The following ARHGEF4 variants were observed in gnomAD, a reference collection of about 807,000 sequenced individuals.
The protein encoded by ARHGEF4 is Rho guanine nucleotide exchange factor 4.
Under a neutral mutation model 162.0 loss-of-function variants are expected in ARHGEF4, and 119 were observed. The observed-to-expected ratio is 0.73, with a 90% CI of 0.63 to 0.86. The LOEUF is 0.86. ARHGEF4 is among the 40% of genes least tolerant of loss of function. The pLI is 0.00. For synonymous variants in ARHGEF4, 1,014 were observed against 979.9 expected (o/e 1.03, Z -0.65); for missense variants, 2,488 against 2,456.0 (o/e 1.01, Z -0.28).
chr2:130,941,706 A>G (rs1683310257), intron 3 of ARHGEF4, among the ~76,000 whole-genome samples: 1 of 152,204 alleles, frequency 6.6e-6, no homozygotes, highest in Non-Finnish European at 1.5e-5. Context: ...AAATATATTT[A>G]CTATTTACTC....
intron 1 of ARHGEF4, among the ~76,000 whole-genome samples, chr2:130,874,390 C>T (rs1678692944): frequency 6.6e-6 from 1 of 152,230 alleles, no homozygotes; most frequent in Non-Finnish European, 1.5e-5. Context: ...ATGGCCAGGC[C>T]CTCCTCAGGC....
intron 5 of ARHGEF4, among the ~76,000 whole-genome samples, chr2:131,034,396 G>A (rs1384244591): frequency 6.6e-6 from 1 of 152,188 alleles, no homozygotes; most frequent in Non-Finnish European, 1.5e-5. Context: ...AGGCTGTGTC[G>A]AGTGGAGGCA....
intron 10 of ARHGEF4, among the ~76,000 whole-genome samples, chr2:131,042,615 G>A (rs1353391855): frequency 1.3e-5 from 2 of 152,194 alleles, no homozygotes; most frequent in African/African-American, 4.8e-5. Context: ...ACAGATTCCA[G>A]GGCCCCACCC....
Position 130,915,329 on chromosome 2 carries a change from G to A in ARHGEF4, c.1383G>A (p.Lys461=). 6.4e-7 allele frequency: 1 copy of A among 1,550,736 alleles called. No homozygotes were observed. The highest frequency in any genetic ancestry group is 8.7e-7 in the Non-Finnish European group (1 of 1,147,044). Reference sequence around the variant, plus strand: ...AAGTGCCTGAGCCCGCTGAGTGCAAGTCAGAGCAAAGCCCAGAAAGCAGAA... The same window carrying A: ...AAGTGCCTGAGCCCGCTGAGTGCAAATCAGAGCAAAGCCCAGAAAGCAGAA... The part of the protein sequence containing the change: ...AEEVPEPAEC[K]SEQSPESRTQ... The change falls in exon 2 of 14, where the codon AAG becomes AAA. Residue 461 remains lysine, a synonymous_variant. Coordinates refer to ENST00000409359, the MANE Select transcript of ARHGEF4 (RefSeq NM_001367493.1).
intron 4 of ARHGEF4, among the ~76,000 whole-genome samples, chr2:131,000,122 AAG>A (rs1687672576): frequency 6.6e-6 from 1 of 152,256 alleles, no homozygotes; most frequent in African/African-American, 2.4e-5. Context: ...AAAAAGAAGA[AAG>A]TTCTTTTTTG....
chr2:131,040,163 T>C lies in ARHGEF4; in HGVS notation c.4453T>C (p.Tyr1485His), dbSNP rs754793227. The C allele has an allele frequency of 6.2e-7, 1 of 1,612,166 alleles. No individual in the cohort carries two copies. The highest frequency in any genetic ancestry group is 8.5e-7 in the Non-Finnish European group (1 of 1,178,898). ...INEILSTERD[Y>H]IKHLRDICEG... The stretch of plus-strand genomic sequence containing the variant: ...CGAGATCCTCAGCACTGAGCGGGAC[T>C]ACATCAAGCACCTGCGCGACATCTG... The change falls in exon 7 of 14, where the codon TAC becomes CAC. Residue 1485 changes from tyrosine (Y) to histidine (H), a missense_variant. Physicochemically the swap from Tyr to His is moderately conservative, Grantham distance 83. Coordinates refer to ENST00000409359, the MANE Select transcript of ARHGEF4 (RefSeq NM_001367493.1).
chr2:131,035,032 C>T, intron 5 of ARHGEF4: 1 of 990,018 alleles, frequency 1.0e-6, no homozygotes, highest in Non-Finnish European at 1.2e-6. Flanking sequence ...CGCTGCGGGC[C>T]ACCGGCTCGG....
At chr2:130,865,720 G>T (rs1024947234) in intron 1 of ARHGEF4, among the ~76,000 whole-genome samples, 1 of 152,136 alleles carries the variant, frequency 6.6e-6, no homozygotes, top group African/African-American at 2.4e-5. Flanking sequence ...TTGTTTGTTT[G>T]TTTGTTTGTT....
Position 130,967,311 on chromosome 2 carries a change from A to T in ARHGEF4, c.3985+20676A>T, listed in dbSNP as rs550949197. ...ATATAGCTGACAGGGTGGAATTTCCATGGCCCTTCTTTCTGCCCCGCTGTT... is the reference window on the plus strand; with the variant it reads ...ATATAGCTGACAGGGTGGAATTTCCTTGGCCCTTCTTTCTGCCCCGCTGTT... On this transcript the variant is annotated intron_variant, in intron 4 of 13. Coordinates refer to ENST00000409359, the MANE Select transcript of ARHGEF4 (RefSeq NM_001367493.1). 1.6e-4 allele frequency among the ~76,000 whole-genome samples: 25 copies of T among 152,180 alleles called. 1 individual carries two copies. The highest frequency in any genetic ancestry group is 5.5e-4 in the African/African-American group (23 of 41,454).
chr2:130,891,990 T>G (rs532989777), intron 1 of ARHGEF4, among the ~76,000 whole-genome samples: 1 of 152,288 alleles, frequency 6.6e-6, no homozygotes. Context: ...GCCAACTGCT[T>G]ATGTTTTTTC....
At chr2:130,869,695 C>G (rs1678327764) in intron 1 of ARHGEF4, among the ~76,000 whole-genome samples, 1 of 152,204 alleles carries the variant, frequency 6.6e-6, no homozygotes, top group Non-Finnish European at 1.5e-5. Flanking sequence ...GAATGCCAGG[C>G]AGCAGTCACG....
rs183696754 is a variant in ARHGEF4, at chr2:130,884,300, G to A, written c.40-29686G>A. Among the ~76,000 whole-genome samples, 309 of 151,466 alleles carry A rather than the reference G, an allele frequency of 2.0e-3. 7 individuals are homozygous for A. The East Asian group carries it at 0.055, about 27-fold the overall frequency. On this transcript the variant is annotated intron_variant, in intron 1 of 13. Coordinates refer to ENST00000409359, the MANE Select transcript of ARHGEF4 (RefSeq NM_001367493.1). ...CATGCACACAGACACACATAGGCAC[G>A]TGCACACACACACACACACCCACAC... is the stretch of plus-strand genomic sequence containing the variant.
At chr2:130,851,115 A>G (rs185903073) in intron 1 of ARHGEF4, among the ~76,000 whole-genome samples, 7 of 152,358 alleles carry the variant, frequency 4.6e-5, no homozygotes, top group Admixed American at 1.3e-4. Flanking sequence ...TGTGCTGTGA[A>G]CACCGGCGTC....
rs1156392155 is a variant in ARHGEF4 at position 130,885,874 on chromosome 2, CTTCTT to C, written c.40-28109_40-28105del. On this transcript the variant is annotated intron_variant, in intron 1 of 13. Transcript: ENST00000409359. Reference sequence around the variant, plus strand: ...TGTGAGCCACCATGCCCGGCCTTTTCTTCTTTTATTTTGTAATTTAATATACTCAT... The same window carrying C: ...TGTGAGCCACCATGCCCGGCCTTTTCTTATTTTGTAATTTAATATACTCAT... Among the ~76,000 whole-genome samples the C allele has an allele frequency of 9.2e-5, 14 of 152,070 alleles. No individual in the cohort carries two copies. The East Asian group carries it at 2.7e-3, about 29-fold the overall frequency.
intron 1 of ARHGEF4, among the ~76,000 whole-genome samples, chr2:130,850,595 G>T (rs1681340679): frequency 6.6e-6 from 1 of 152,234 alleles, no homozygotes; most frequent in Admixed American, 6.5e-5. Flanking sequence ...CGTCCACAAG[G>T]TGGGCACATA....
At chr2:130,936,219 A>T (rs935710674) in intron 3 of ARHGEF4, among the ~76,000 whole-genome samples, 1 of 152,220 alleles carries the variant, frequency 6.6e-6, no homozygotes, top group Admixed American at 6.5e-5. Context: ...TTATAGTATT[A>T]TTCAAGACCT....
chr2:130,982,948 C>T (rs1479882510), intron 4 of ARHGEF4, among the ~76,000 whole-genome samples: 1 of 152,008 alleles, frequency 6.6e-6, no homozygotes, highest in African/African-American at 2.4e-5. Context: ...TTTAGTGAAA[C>T]CCTAAAAAGC....
At chr2:130,955,898 C>T (rs189406396) in intron 4 of ARHGEF4, among the ~76,000 whole-genome samples, 1 of 152,324 alleles carries the variant, frequency 6.6e-6, no homozygotes, top group East Asian at 1.9e-4. Context: ...CTTGAAAGCA[C>T]CTTTAGGTTG....
chr2:130,958,291 G>C (rs187371315), intron 4 of ARHGEF4, among the ~76,000 whole-genome samples: 5 of 152,142 alleles, frequency 3.3e-5, no homozygotes, highest in African/African-American at 4.8e-5. Context: ...AGCTGTAAAG[G>C]GGGAGAGGGG....
Sources: gnomAD v4.1 joint callset for allele counts (sites outside exome capture counted in the v4.1 genomes callset) on GRCh38, gnomAD v4.1.1 for gene constraint, MANE v1.5 for transcripts, NCBI Gene and HGNC (gene_info 2026-07-23, HGNC 2026-07-21) for gene names.